Variants in LIN28B observed in about 807,000 individuals in gnomAD.
LIN28B encodes the protein protein lin-28 homolog B.
LIN28B carries 5 observed loss-of-function variants against 21.9 expected under a neutral mutation model. That is an observed-to-expected ratio of 0.23 (90% CI 0.12 to 0.48). LIN28B has a LOEUF of 0.48. Ranked by LOEUF, LIN28B falls within the 20% of genes least tolerant of loss-of-function variation. LIN28B has a pLI of 0.98. For synonymous variants in LIN28B, 109 were observed against 111.3 expected, an observed-to-expected ratio of 0.98 and a Z score of 0.13; for missense variants, 245 against 310.5, an observed-to-expected ratio of 0.79 and a Z score of 1.58.
chr6:105,067,775 T>A lies in LIN28B; in HGVS notation c.384-10639T>A, dbSNP rs139857043. ...TGTTCCATTGATTTGACACAGAATC[T>A]ACCAAGTACTTTTAAACATAATGGA... On this transcript the variant is annotated intron_variant, in intron 3 of 3. Coordinates refer to ENST00000345080, the MANE Select transcript of LIN28B (RefSeq NM_001004317.4). Among the ~76,000 whole-genome samples, 644 of 152,318 alleles carry A rather than the reference T, an allele frequency of 4.2e-3. 3 individuals carry two copies. The highest frequency in any genetic ancestry group is 0.015 in the African/African-American group (623 of 41,570).
chr6:105,029,528 T>G (rs1015559828), intron 3 of LIN28B, among the ~76,000 whole-genome samples: 1 of 149,532 alleles, frequency 6.7e-6, no homozygotes, highest in East Asian at 1.9e-4. Context: ...TTTATGCTGG[T>G]TTTTTTTTTC....
intron 2 of LIN28B, among the ~76,000 whole-genome samples, chr6:105,019,835 T>C (rs1771099561): frequency 6.6e-6 from 1 of 152,180 alleles, no homozygotes; most frequent in Non-Finnish European, 1.5e-5. Flanking sequence ...TTTTGATGGC[T>C]TTTAAAGAGT....
At chr6:105,007,285 A>ATTGAATTTATTATTCAAAACAG (rs1178056455) in intron 2 of LIN28B, among the ~76,000 whole-genome samples, 3 of 152,224 alleles carry the variant, frequency 2.0e-5, no homozygotes, top group Non-Finnish European at 4.4e-5. Flanking sequence ...ATTCAAAACA[A>ATTGAATTTATTATTCAAAACAG]TTGAATTTAT....
chr6:105,032,220 C>T (rs1311936926), intron 3 of LIN28B, among the ~76,000 whole-genome samples: 1 of 152,014 alleles, frequency 6.6e-6, no homozygotes, highest in Non-Finnish European at 1.5e-5. Flanking sequence ...ATGAATAGAA[C>T]AGCCATAAAC....
chr6:104,992,694 G>A (rs1770517196), intron 2 of LIN28B, among the ~76,000 whole-genome samples: 1 of 151,806 alleles, frequency 6.6e-6, no homozygotes, highest in Admixed American at 6.6e-5. Flanking sequence ...TTTTTTTGTA[G>A]AGATGGGATC....
chr6:105,040,083 G>T (rs1402995307), intron 3 of LIN28B, among the ~76,000 whole-genome samples: 1 of 151,958 alleles, frequency 6.6e-6, no homozygotes, highest in African/African-American at 2.4e-5. Context: ...TTTTACTGTG[G>T]ATGGCTGCTA....
At chr6:105,064,403 C>G (rs1003212122) in intron 3 of LIN28B, among the ~76,000 whole-genome samples, 2 of 152,022 alleles carry the variant, frequency 1.3e-5, no homozygotes, top group Non-Finnish European at 2.9e-5. Context: ...TAGAATTTGC[C>G]CCTCTGTAAA....
chr6:105,074,130 A>G (rs1335031306), intron 3 of LIN28B, among the ~76,000 whole-genome samples: 2 of 152,168 alleles, frequency 1.3e-5, no homozygotes, highest in Non-Finnish European at 2.9e-5. Context: ...GGTCTAAACA[A>G]TTTGTTTTTA....
chr6:105,021,746 A>G (rs756844667), intron 2 of LIN28B, among the ~76,000 whole-genome samples: 3 of 152,144 alleles, frequency 2.0e-5, no homozygotes, highest in Non-Finnish European at 2.9e-5. Context: ...TAATTTGCAA[A>G]TATTTTCTCC....
rs1562116732 is a variant in LIN28B at position 105,078,450 on chromosome 6, G to T, written c.420G>T (p.Lys140Asn). The T allele has an allele frequency of 6.2e-7, 1 of 1,612,998 alleles. No homozygotes were observed. The highest frequency in any genetic ancestry group is 8.5e-7 in the Non-Finnish European group (1 of 1,179,198). ...YNCGGLDHHA[K>N]ECSLPPQPKK... ...GTGGTGGCCTTGATCATCATGCTAA[G>T]GAATGTAGTCTACCTCCTCAGCCAA... Residue 140 changes from lysine (K) to asparagine (N), a missense_variant, in exon 4 of 4, where the codon AAG (lysine) becomes AAT (asparagine). Transcript: ENST00000345080.
At chr6:104,946,550 ATATTT>A (rs1365432856) in intron 2 of LIN28B, among the ~76,000 whole-genome samples, 13 of 152,146 alleles carry the variant, frequency 8.5e-5, no homozygotes, top group African/African-American at 2.9e-4. Context: ...TCCATGTTTA[ATATTT>A]TATTTGATGT....
chr6:105,051,271 T>G lies in LIN28B; in HGVS notation c.383+24789T>G, dbSNP rs372508292. Among the ~76,000 whole-genome samples the G allele has an allele frequency of 5.3e-4, 80 of 151,300 alleles. 2 individuals carry two copies. In the South Asian group the frequency reaches 0.016, roughly 31 times the overall value. On this transcript the variant is annotated intron_variant, in intron 3 of 3. Transcript: ENST00000345080. ...CTGGCCAACATGGTGAAACCCTATC[T>G]CTACTAAAAATACAAAAATTAGCCA...
chr6:105,051,810 T>C (rs1393152835), intron 3 of LIN28B, among the ~76,000 whole-genome samples: 4 of 152,208 alleles, frequency 2.6e-5, no homozygotes, highest in Admixed American at 6.5e-5. Context: ...GCACTGAACA[T>C]GGAGCAGAGA....
intron 3 of LIN28B, among the ~76,000 whole-genome samples, chr6:105,063,354 T>A (rs1225065864): frequency 2.0e-5 from 3 of 152,152 alleles, no homozygotes; most frequent in Non-Finnish European, 4.4e-5. Context: ...ACTGTCCCAA[T>A]GTCTTTGGTA....
At chr6:105,054,715 ACCTTTTGTCCTGTCC>A (rs1771986634) in intron 3 of LIN28B, among the ~76,000 whole-genome samples, 1 of 152,112 alleles carries the variant, frequency 6.6e-6, no homozygotes, top group Non-Finnish European at 1.5e-5. Context: ...GACATTCATC[ACCTTTTGTCCTGTCC>A]CCATGCCCCA....
chr6:105,014,908 A>G (rs1302071134), intron 2 of LIN28B, among the ~76,000 whole-genome samples: 1 of 150,284 alleles, frequency 6.7e-6, no homozygotes, highest in African/African-American at 2.4e-5. Flanking sequence ...TTTTTTTTGC[A>G]TTATCAGGTC....
intron 2 of LIN28B, among the ~76,000 whole-genome samples, chr6:105,009,515 C>T (rs1481389408): frequency 1.3e-5 from 2 of 151,974 alleles, no homozygotes; most frequent in African/African-American, 2.4e-5. Flanking sequence ...TTTGAATTTT[C>T]CTATTACCTG....
intron 2 of LIN28B, among the ~76,000 whole-genome samples, chr6:104,974,024 T>A (rs1239807015): frequency 6.6e-6 from 1 of 152,244 alleles, no homozygotes; most frequent in Non-Finnish European, 1.5e-5. Context: ...AGATAGTGTT[T>A]GTGTTTCTAG....
chr6:104,991,511 C>T lies in LIN28B; in HGVS notation c.198+33225C>T, dbSNP rs981651383. ...AGACGGGATGGCGGCCGGGAAGAGG[C>T]GCTCCTCACTTCCCAGACTGGGCAG... is the stretch of plus-strand genomic sequence containing the variant. On this transcript the variant is annotated intron_variant, in intron 2 of 3. Coordinates refer to ENST00000345080, the MANE Select transcript of LIN28B (RefSeq NM_001004317.4). 1.1e-4 allele frequency among the ~76,000 whole-genome samples: 17 copies of T among 150,278 alleles called. No individual in the cohort carries two copies. In the East Asian group the frequency reaches 2.6e-3, roughly 23 times the overall value.
Sources: allele counts gnomAD v4.1 joint callset (sites outside exome capture counted in the v4.1 genomes callset), GRCh38; gene constraint gnomAD v4.1.1; transcripts MANE v1.5; gene names NCBI Gene and HGNC (gene_info 2026-07-23, HGNC 2026-07-21).